Variants in TTLL7 observed in about 807,000 individuals in gnomAD.
TTLL7 encodes tubulin tyrosine ligase like 7.
A neutral mutation model predicts 120.2 loss-of-function variants in TTLL7; 53 were observed. The observed-to-expected ratio is 0.44, with a 90% CI of 0.35 to 0.55. The LOEUF (loss-of-function observed/expected upper bound fraction) is 0.55, where lower values mean the gene tolerates loss of function less well. Ranked by LOEUF, TTLL7 falls within the 20% of genes least tolerant of loss-of-function variation. The pLI is 0.00. For missense variants in TTLL7, 803 were observed against 1,054.7 expected, an observed-to-expected ratio of 0.76 and a Z score of 3.31; for synonymous variants, 353 against 351.7, an observed-to-expected ratio of 1.00 and a Z score of -0.04.
intron 14 of TTLL7, among the ~76,000 whole-genome samples, chr1:83,914,935 T>C (rs538818960): frequency 3.8e-4 from 58 of 152,268 alleles, no homozygotes; most frequent in African/African-American, 1.4e-3. Context: ...GAAAATCTAC[T>C]TGCTACCCTC....
At chr1:83,873,300 A>C (rs557419628) in intron 20 of TTLL7, among the ~76,000 whole-genome samples, 1 of 152,324 alleles carries the variant, frequency 6.6e-6, no homozygotes, top group East Asian at 1.9e-4. Flanking sequence ...TTGCAGGGAA[A>C]TACAATGGAT....
At chr1:83,922,334 A>G (rs771561129) in intron 10 of TTLL7, among the ~76,000 whole-genome samples, 14 of 152,166 alleles carry the variant, frequency 9.2e-5, no homozygotes, top group Non-Finnish European at 1.8e-4. Context: ...AGGCGACAAG[A>G]AGGCCATTTG....
intron 16 of TTLL7, among the ~76,000 whole-genome samples, chr1:83,906,810 C>A (rs1277222272): frequency 6.6e-6 from 1 of 152,042 alleles, no homozygotes; most frequent in African/African-American, 2.4e-5. Context: ...GTGAAATTCA[C>A]TCACTTATAT....
intron 10 of TTLL7, among the ~76,000 whole-genome samples, chr1:83,925,567 G>A (rs967994357): frequency 6.6e-6 from 1 of 152,164 alleles, no homozygotes; most frequent in African/African-American, 2.4e-5. Flanking sequence ...GAGAGGAGAT[G>A]GAGAAATAAA....
At chr1:83,949,742 G>A (rs938682240) in intron 4 of TTLL7, 123 bp downstream of exon 4, 3 of 1,042,492 alleles carry the variant, frequency 2.9e-6, no homozygotes, top group African/African-American at 3.3e-5. Flanking sequence ...AACAAAACAG[G>A]CTATTCAGGT....
At chr1:83,994,389 G>C (rs1420160055) in intron 1 of TTLL7, among the ~76,000 whole-genome samples, 1 of 152,188 alleles carries the variant, frequency 6.6e-6, no homozygotes, top group Non-Finnish European at 1.5e-5. Flanking sequence ...CAGTGAGGAA[G>C]CTCAGGTGAG....
intron 1 of TTLL7, among the ~76,000 whole-genome samples, chr1:83,973,169 T>TCCTACATTA (rs1391422172): frequency 6.6e-6 from 1 of 152,104 alleles, no homozygotes; most frequent in Non-Finnish European, 1.5e-5. Context: ...CTAAGTTTTC[T>TCCTACATTA]CCTACATTAT....
chr1:83,946,824 T>C (rs1218698592), intron 6 of TTLL7, among the ~76,000 whole-genome samples: 2 of 152,148 alleles, frequency 1.3e-5, no homozygotes, highest in Non-Finnish European at 2.9e-5. Context: ...GAAATTATTA[T>C]AAATGTGAGT....
rs1449091306 is a variant in TTLL7, at chr1:83,959,621, C to T, written c.-176-7234G>A. 3.9e-5 allele frequency among the ~76,000 whole-genome samples: 6 copies of T among 152,196 alleles called. No homozygotes were observed. In the South Asian group the frequency reaches 6.2e-4, roughly 16 times the overall value. On this transcript the variant is annotated intron_variant, in intron 1 of 20. Coordinates refer to ENST00000260505, the MANE Select transcript of TTLL7 (RefSeq NM_024686.6). ...AAACCAGCTACCGATGCTCACTAAC[C>T]AACACACTCATTTTGTAGAAAAGAA...
At chr1:83,947,876 A>T (rs1052696257) in intron 5 of TTLL7, among the ~76,000 whole-genome samples, 7 of 152,020 alleles carry the variant, frequency 4.6e-5, no homozygotes, top group African/African-American at 9.7e-5. Context: ...TTCTTTTTTT[A>T]AAAAATTATC....
In TTLL7 at chr1:83,999,051, G is replaced by A. The variant is rs1374034180; in HGVS notation, c.-297C>T. 2.2e-6 allele frequency: 1 copy of A among 447,758 alleles called. No individual in the cohort carries two copies. The highest frequency in any genetic ancestry group is 2.4e-5 in the Admixed American group (1 of 42,078). The allele number at this position is 447,758 out of a possible 1,614,324, so 27.7% of individuals were successfully genotyped here. A position where few individuals can be genotyped will look rare whatever the true frequency, so the allele number is the denominator to read the frequency against. ...CCCGACTCGGCAGCCTGCACTGGTG[G>A]TCCGGTGCTCTCCTCCGCCCGCCCA... On this transcript the variant is annotated 5_prime_UTR_variant, in exon 1 of 21. Transcript: ENST00000260505.
intron 20 of TTLL7, among the ~76,000 whole-genome samples, chr1:83,878,638 A>G (rs904303797): frequency 7.2e-5 from 11 of 152,000 alleles, no homozygotes; most frequent in Non-Finnish European, 5.9e-5. Flanking sequence ...TCTAGTTATC[A>G]TCAGAGGCAG....
intron 18 of TTLL7, among the ~76,000 whole-genome samples, chr1:83,894,675 G>A (rs1656064267): frequency 1.3e-5 from 2 of 152,064 alleles, no homozygotes; most frequent in Admixed American, 6.6e-5. Flanking sequence ...CATTCCTAAT[G>A]TTTTCTTCAA....
At chr1:83,882,855 T>C in intron 20 of TTLL7, 108 bp downstream of exon 20, 1 of 1,284,418 alleles carries the variant, frequency 7.8e-7, no homozygotes, top group Non-Finnish European at 1.1e-6. Flanking sequence ...CTTTCAGTCT[T>C]TAGCTTTTTC....
chr1:83,874,379 G>A (rs893570689), intron 20 of TTLL7, among the ~76,000 whole-genome samples: 2 of 151,904 alleles, frequency 1.3e-5, no homozygotes, highest in Admixed American at 1.3e-4. Context: ...CTGTTGATGG[G>A]CATGGGTTGT....
chr1:83,938,135 G>T, intron 7 of TTLL7, 119 bp from the exon 8 acceptor site: 1 of 805,132 alleles, frequency 1.2e-6, no homozygotes, highest in Non-Finnish European at 2.0e-6. Context: ...CTACATAGAT[G>T]AACAATCTCA....
chr1:83,929,217 G>A lies in TTLL7; in HGVS notation c.1061C>T (p.Pro354Leu). Residue 354 changes from proline (P) to leucine (L), a missense_variant, in exon 10 of 21, where the codon CCA (proline) becomes CTA (leucine). This residue lies in a region of TTLL7 where 324 missense variants were observed against 507.7 expected (regional missense o/e 0.64). Transcript: ENST00000260505. ...KPWLLEINRA[P>L]SFGTDQKIDY... Reference sequence around the variant, plus strand: ...TATTTTCTGATCAGTTCCAAAGCTTGGGGCTCGGTTAATCTGAAATTTACA... The same window carrying A: ...TATTTTCTGATCAGTTCCAAAGCTTAGGGCTCGGTTAATCTGAAATTTACA... The A allele has an allele frequency of 6.2e-7, 1 of 1,609,646 alleles. No homozygotes were observed. The highest frequency in any genetic ancestry group is 1.1e-5 in the South Asian group (1 of 90,550).
intron 16 of TTLL7, 76 bp from the exon 17 acceptor site, chr1:83,906,539 A>C: frequency 1.3e-6 from 2 of 1,596,362 alleles, no homozygotes; most frequent in South Asian, 1.1e-5. Context: ...AGATATTTCT[A>C]GGTAAAAATG....
chr1:83,976,494 ACT>A (rs1651501750), intron 1 of TTLL7, among the ~76,000 whole-genome samples: 1 of 152,072 alleles, frequency 6.6e-6, no homozygotes, highest in East Asian at 1.9e-4. Flanking sequence ...AGGTACAGCA[ACT>A]CTTCAGTATT....
Sources: allele counts gnomAD v4.1 joint callset (sites outside exome capture counted in the v4.1 genomes callset), GRCh38; gene constraint gnomAD v4.1.1; regional missense constraint gnomAD v4.1.1; transcripts MANE v1.5; gene names NCBI Gene and HGNC (gene_info 2026-07-23, HGNC 2026-07-21).